DEPDC5: variants seen among roughly 807,000 people sequenced by gnomAD.
DEPDC5 encodes DEP domain containing 5, GATOR1 subcomplex subunit.
DEPDC5 carries 73 observed loss-of-function variants against 217.3 expected under a neutral mutation model. That is an observed-to-expected ratio of 0.34 (90% CI 0.28 to 0.41). The LOEUF (loss-of-function observed/expected upper bound fraction) is 0.41, where lower values mean the gene tolerates loss of function less well. Ranked by LOEUF, DEPDC5 falls within the 10% of genes least tolerant of loss-of-function variation. DEPDC5 has a pLI of 1.00. For missense variants in DEPDC5, 1,675 were observed against 2,070.1 expected (o/e 0.81, Z 3.70); for synonymous variants, 733 against 756.7 (o/e 0.97, Z 0.51).
chr22:31,843,864 G>C, intron 29 of DEPDC5, 52 bp downstream of exon 29: 1 of 1,512,774 alleles, frequency 6.6e-7, no homozygotes, highest in Non-Finnish European at 9.0e-7. Flanking sequence ...GCAAGGATGT[G>C]TATGTGTATT....
intron 7 of DEPDC5, among the ~76,000 whole-genome samples, chr22:31,776,972 T>A (rs577505478): frequency 1.1e-3 from 160 of 151,962 alleles, no homozygotes; most frequent in Admixed American, 5.5e-3. Flanking sequence ...TATTATTATT[T>A]TTTTTTTTGA....
intron 24 of DEPDC5, chr22:31,823,074 A>G (rs2089847472): frequency 1.0e-5 from 4 of 381,740 alleles, no homozygotes; most frequent in South Asian, 2.3e-5. Flanking sequence ...GGGCAACACC[A>G]TGGACAGAGC....
intron 38 of DEPDC5, among the ~76,000 whole-genome samples, chr22:31,882,549 G>A (rs1259623203): frequency 6.6e-6 from 1 of 152,134 alleles, no homozygotes; most frequent in East Asian, 1.9e-4. Flanking sequence ...AGCACATAGA[G>A]CATATTTACT....
At chr22:31,877,876 C>T (rs2093049311) in intron 37 of DEPDC5, among the ~76,000 whole-genome samples, 1 of 151,652 alleles carries the variant, frequency 6.6e-6, no homozygotes, top group Non-Finnish European at 1.5e-5. Context: ...CAAATGGCTT[C>T]TCTGCCTCTG....
At chr22:31,830,438 A>T (rs2090504984) in intron 24 of DEPDC5, among the ~76,000 whole-genome samples, 2 of 152,230 alleles carry the variant, frequency 1.3e-5, no homozygotes, top group African/African-American at 4.8e-5. Context: ...GGGACTCTTC[A>T]TATGCCAACA....
At chr22:31,792,841 C>T in intron 12 of DEPDC5, 24 bp downstream of exon 12, 1 of 1,478,950 alleles carries the variant, frequency 6.8e-7, no homozygotes, top group Admixed American at 2.8e-5. Flanking sequence ...CTTTGCTATA[C>T]TTTTTATTTA....
chr22:31,865,496 A>G (rs1292162542), intron 33 of DEPDC5, among the ~76,000 whole-genome samples: 1 of 150,794 alleles, frequency 6.6e-6, no homozygotes, highest in Non-Finnish European at 1.5e-5. Flanking sequence ...ACCTGTCTCA[A>G]AACAAAACAA....
chr22:31,778,551 C>CAAA (rs2084113879), intron 8 of DEPDC5, among the ~76,000 whole-genome samples: 1 of 152,104 alleles, frequency 6.6e-6, no homozygotes, highest in African/African-American at 2.4e-5. Context: ...TACTCTTTGC[C>CAAA]CACATGTAAT....
chr22:31,822,994 G>T (rs1678877277), intron 24 of DEPDC5: 1 of 530,206 alleles, frequency 1.9e-6, no homozygotes, highest in East Asian at 3.5e-5. Context: ...AGAACATGTT[G>T]GTCAAGCCAC....
intron 38 of DEPDC5, chr22:31,880,035 C>T: frequency 2.4e-6 from 1 of 420,446 alleles, no homozygotes; most frequent in Non-Finnish European, 4.5e-6. Context: ...GCCAATTTTC[C>T]CGAGGGTTCT....
At position 31,843,192 on chromosome 22, in the gene DEPDC5, A is replaced by G; in HGVS notation, c.2613A>G (p.Thr871=). The part of the protein sequence containing the change: ...HKVTLKDKMI[T]VTRYLPKYPY... Reference sequence around the variant, plus strand: ...TGACGCTGAAGGATAAGATGATCACAGTGACGCGATACCTTCCCAAGTGAG... The same window carrying G: ...TGACGCTGAAGGATAAGATGATCACGGTGACGCGATACCTTCCCAAGTGAG... Residue 871 remains threonine (T), a synonymous_variant, in exon 28 of 43, where the codon ACA becomes ACG. Transcript: ENST00000651528. 1.2e-6 allele frequency: 2 copies of G among 1,614,110 alleles called. No homozygotes were observed. Among genetic ancestry groups the G allele is most frequent in the Non-Finnish European group, 1.7e-6 (2 of 1,180,008 alleles).
chr22:31,803,946 C>T (rs1334504364), intron 15 of DEPDC5, among the ~76,000 whole-genome samples: 2 of 151,984 alleles, frequency 1.3e-5, no homozygotes, highest in African/African-American at 2.4e-5. Context: ...TGTCAAGCAC[C>T]GAATAATGAT....
chr22:31,805,768 G>T (rs2087450054), intron 17 of DEPDC5, among the ~76,000 whole-genome samples: 1 of 152,122 alleles, frequency 6.6e-6, no homozygotes, highest in Non-Finnish European at 1.5e-5. Flanking sequence ...TATACTATTT[G>T]ATATCATGAT....
At chr22:31,822,402 A>T (rs892906260) in intron 23 of DEPDC5, among the ~76,000 whole-genome samples, 1 of 152,046 alleles carries the variant, frequency 6.6e-6, no homozygotes, top group African/African-American at 2.4e-5. Context: ...AAAGGGAGGC[A>T]TAGGGCATAG....
intron 27 of DEPDC5, among the ~76,000 whole-genome samples, chr22:31,841,731 T>C (rs2091404899): frequency 6.6e-6 from 1 of 152,242 alleles, no homozygotes; most frequent in Non-Finnish European, 1.5e-5. Context: ...CAGTTTTCCA[T>C]CTGCCTCACA....
chr22:31,805,773 C>T (rs2087450994), intron 17 of DEPDC5, among the ~76,000 whole-genome samples: 1 of 152,098 alleles, frequency 6.6e-6, no homozygotes, highest in South Asian at 2.1e-4. Context: ...TATTTGATAT[C>T]ATGATATTAG....
chr22:31,879,085 T>C (rs1569184288), intron 37 of DEPDC5, among the ~76,000 whole-genome samples: 1 of 138,494 alleles, frequency 7.2e-6, no homozygotes, highest in African/African-American at 2.9e-5. Context: ...CACACACGTA[T>C]ATATATATAC....
intron 40 of DEPDC5, among the ~76,000 whole-genome samples, chr22:31,899,761 G>A (rs117815624): frequency 3.5e-3 from 535 of 152,218 alleles, no homozygotes; most frequent in Non-Finnish European, 6.4e-3. Context: ...GGAAAGATTA[G>A]CAAAACCACC....
At chr22:31,844,243 A>T (rs9621348) in intron 29 of DEPDC5, among the ~76,000 whole-genome samples, 16,483 of 152,048 alleles carry the variant, frequency 0.11, 926 homozygotes, top group South Asian at 0.2. Context: ...AATAAATAAA[A>T]AAAAATAAAA....
Sources: allele counts gnomAD v4.1 joint callset (sites outside exome capture counted in the v4.1 genomes callset), GRCh38; gene constraint gnomAD v4.1.1; transcripts MANE v1.5; gene names NCBI Gene and HGNC (gene_info 2026-07-23, HGNC 2026-07-21).